Variants in AHCTF1 observed in about 807,000 individuals in gnomAD.
AHCTF1 encodes protein ELYS.
A neutral mutation model predicts 248.4 loss-of-function variants in AHCTF1; 24 were observed. The observed-to-expected ratio is 0.10, with a 90% confidence interval of 0.07 to 0.14. The LOEUF is 0.14. Among genes scored for constraint, AHCTF1 ranks in the 10% least tolerant of loss-of-function variants. The probability of loss-of-function intolerance (pLI) is 1.00; values close to 1 mark genes in which losing one functional copy is unlikely to be tolerated. For missense variants in AHCTF1, 2,206 were observed against 2,636.2 expected (o/e 0.84, Z 3.57); for synonymous variants, 786 against 929.8 (o/e 0.85, Z 2.81).
At chr1:246,894,105 G>A (rs1664401330) in intron 14 of AHCTF1, among the ~76,000 whole-genome samples, 1 of 152,128 alleles carries the variant, frequency 6.6e-6, no homozygotes, top group Non-Finnish European at 1.5e-5. Flanking sequence ...TCAGGAGGCT[G>A]AGGCAGGAGG....
chr1:246,884,485 C>T (rs1324232146), intron 21 of AHCTF1, among the ~76,000 whole-genome samples: 2 of 152,012 alleles, frequency 1.3e-5, no homozygotes, highest in Non-Finnish European at 2.9e-5. Context: ...TAACTAATTT[C>T]TAAAAATATA....
At chr1:246,885,046 T>C (rs1390551984) in intron 21 of AHCTF1, among the ~76,000 whole-genome samples, 1 of 152,176 alleles carries the variant, frequency 6.6e-6, no homozygotes. Context: ...CAAATATAAC[T>C]AAAAATCTCA....
At chr1:246,899,327 A>T (rs1664833856) in intron 11 of AHCTF1, 124 bp downstream of exon 11, 1 of 712,910 alleles carries the variant, frequency 1.4e-6, no homozygotes, top group Admixed American at 3.3e-5. Flanking sequence ...TCATAAACCT[A>T]GCAGAAGCTA....
At chr1:246,929,844 A>G (rs554292846) in intron 1 of AHCTF1, among the ~76,000 whole-genome samples, 30 of 152,286 alleles carry the variant, frequency 2.0e-4, no homozygotes, top group South Asian at 4.1e-4. Flanking sequence ...ACGAGGTCAG[A>G]AGTTCAAGAC....
At chr1:246,885,931 A>T (rs561774175) in intron 20 of AHCTF1, among the ~76,000 whole-genome samples, 2 of 152,314 alleles carry the variant, frequency 1.3e-5, no homozygotes, top group Non-Finnish European at 2.9e-5. Context: ...TCACGCCTGT[A>T]ATCTCCGCAC....
rs1231106461 is a variant in AHCTF1 at position 246,851,234 on chromosome 1, T to C, written c.4772A>G (p.Asn1591Ser). 6.2e-7 allele frequency: 1 copy of C among 1,613,984 alleles called. No individual in the cohort carries two copies. The highest frequency in any genetic ancestry group is 2.2e-5 in the East Asian group (1 of 44,876). Residue 1591 changes from asparagine (N) to serine (S), a missense_variant, in exon 33 of 36, where the codon AAC (asparagine) becomes AGC (serine). Asn to Ser is a conservative substitution (Grantham distance 46). Around this residue, in one of 6 missense-constraint regions of AHCTF1, gnomAD observed 955 missense variants for 1,055.6 expected, o/e 0.90. Transcript: ENST00000648844. ...TTCACCTTCCAATATCAAGGTAAAG[T>C]TGCTTTGAGCCACAAAAAGTTCCCC... ...VDGELFVAQSNFTLILEGEEG... is the reference protein window; with the variant it reads ...VDGELFVAQSSFTLILEGEEG...
chr1:246,893,879 G>C (rs1163499835), intron 14 of AHCTF1, among the ~76,000 whole-genome samples: 1 of 152,226 alleles, frequency 6.6e-6, no homozygotes, highest in East Asian at 1.9e-4. Flanking sequence ...CATGTTGCCA[G>C]TTTAATGACC....
intron 21 of AHCTF1, among the ~76,000 whole-genome samples, chr1:246,882,539 A>T (rs1440912312): frequency 1.3e-5 from 2 of 152,224 alleles, no homozygotes; most frequent in Non-Finnish European, 2.9e-5. Context: ...TATGTGGGAC[A>T]TTCGATATAT....
At chr1:246,867,932 A>G (rs982854604) in intron 24 of AHCTF1, 121 bp from the exon 25 acceptor site, 4 of 327,448 alleles carry the variant, frequency 1.2e-5, no homozygotes, top group Admixed American at 6.6e-5. Context: ...TTACGTGGTA[A>G]TACTAGCTAA....
At chr1:246,882,142 C>T (rs182359090) in intron 21 of AHCTF1, among the ~76,000 whole-genome samples, 3,708 of 151,782 alleles carry the variant, frequency 0.024, 172 homozygotes, top group African/African-American at 0.084. Context: ...GGACTACAGG[C>T]GTGCACCACC....
chr1:246,846,537 C>T (rs1471853081), intron 33 of AHCTF1, among the ~76,000 whole-genome samples: 1 of 152,084 alleles, frequency 6.6e-6, no homozygotes, highest in Non-Finnish European at 1.5e-5. Context: ...TGAGAGATCT[C>T]AATCCCAAGT....
chr1:246,898,384 A>T, intron 11 of AHCTF1, 48 bp from the exon 12 acceptor site: 3 of 1,541,172 alleles, frequency 1.9e-6, no homozygotes, highest in Non-Finnish European at 2.6e-6. Context: ...CAATTTGAAT[A>T]ATCAAATTTA....
At chr1:246,898,913 C>A (rs542093008) in intron 11 of AHCTF1, among the ~76,000 whole-genome samples, 8 of 152,228 alleles carry the variant, frequency 5.3e-5, no homozygotes, top group Non-Finnish European at 1.0e-4. Context: ...CATGGTGAAA[C>A]CCCATCTCTA....
Position 246,905,608 on chromosome 1 carries a change from A to G in AHCTF1, c.814T>C (p.Phe272Leu). 2 of 1,612,896 alleles carry G rather than the reference A, an allele frequency of 1.2e-6. No homozygotes were observed. Among genetic ancestry groups the G allele is most frequent in the Non-Finnish European group, 8.5e-7 (1 of 1,179,992 alleles). The stretch of plus-strand genomic sequence containing the variant: ...CGAGGATCATTCTCAGGTTCTTGAA[A>G]AGTGACAGCATATACAGGAACTTGT... ...SGQVPVYAVT[F>L]QEPENDPRNC... The change falls in exon 6 of 36, where the codon TTT becomes CTT. Residue 272 changes from phenylalanine (F) to leucine (L), a missense_variant. By Grantham distance (22) the Phe-to-Leu change is conservative (BLOSUM62 0). Around this residue, in one of 6 missense-constraint regions of AHCTF1, gnomAD observed 650 missense variants for 870.8 expected, o/e 0.75. Transcript: ENST00000648844.
At chr1:246,880,067 T>A (rs1397355575) in intron 21 of AHCTF1, among the ~76,000 whole-genome samples, 1 of 152,078 alleles carries the variant, frequency 6.6e-6, no homozygotes, top group African/African-American at 2.4e-5. Context: ...TTTGTTGACA[T>A]TTGTTTAGAA....
At chr1:246,868,870 A>AGTC (rs1162211747) in intron 24 of AHCTF1, among the ~76,000 whole-genome samples, 6 of 134,554 alleles carry the variant, frequency 4.5e-5, no homozygotes, top group Non-Finnish European at 9.3e-5. Flanking sequence ...TTTGAGATGG[A>AGTC]GTCTCGCTCT....
intron 21 of AHCTF1, among the ~76,000 whole-genome samples, chr1:246,878,264 G>T (rs2103108654): frequency 6.6e-6 from 1 of 151,776 alleles, no homozygotes; most frequent in South Asian, 2.1e-4. Context: ...GGGCATGGTG[G>T]TGTGTGCCTG....
chr1:246,917,178 C>G (rs1318941078), intron 2 of AHCTF1, among the ~76,000 whole-genome samples: 2 of 152,156 alleles, frequency 1.3e-5, no homozygotes, highest in Admixed American at 1.3e-4. Context: ...AAGACGACAC[C>G]TGCTAGGTGA....
chr1:246,919,477 G>T (rs1558279754), intron 1 of AHCTF1, among the ~76,000 whole-genome samples: 1 of 152,272 alleles, frequency 6.6e-6, no homozygotes, highest in East Asian at 1.9e-4. Context: ...ACTTTGGGAG[G>T]CTGAGGCAGG....
Sources: gnomAD v4.1 joint callset for allele counts (sites outside exome capture counted in the v4.1 genomes callset) on GRCh38, gnomAD v4.1.1 for gene constraint, gnomAD v4.1.1 regional missense constraint, MANE v1.5 for transcripts, NCBI Gene and HGNC (gene_info 2026-07-23, HGNC 2026-07-21) for gene names.